Variants in MEI4 observed in about 807,000 individuals in gnomAD.
MEI4 encodes meiotic double-stranded break formation protein 4, also known as meiosis-specific protein MEI4.
In MEI4, 27 loss-of-function variants were observed where a neutral mutation model predicts 31.4. The ratio of observed to expected loss-of-function variants is 0.86; its 90% confidence interval spans 0.63 to 1.19. The LOEUF (loss-of-function observed/expected upper bound fraction) is 1.19. MEI4 is among the 50% of genes most tolerant of loss of function. The pLI is 0.00. For missense variants in MEI4, 329 were observed against 398.9 expected (o/e 0.82, Z 1.49); for synonymous variants, 122 against 145.4 (o/e 0.84, Z 1.16).
At chr6:77,711,022 C>T (rs926728294) in intron 2 of MEI4, among the ~76,000 whole-genome samples, 10 of 152,308 alleles carry the variant, frequency 6.6e-5, no homozygotes, top group Non-Finnish European at 1.2e-4. Flanking sequence ...TTTTCTACTT[C>T]TATGAGATCA....
intron 1 of MEI4, among the ~76,000 whole-genome samples, chr6:77,683,239 ATCT>A (rs373946343): frequency 3.0e-4 from 46 of 152,198 alleles, no homozygotes; most frequent in African/African-American, 1.1e-3. Flanking sequence ...ATTAGCTAAA[ATCT>A]TCTTTGTTTA....
intron 1 of MEI4, among the ~76,000 whole-genome samples, chr6:77,669,491 CT>C (rs775837481): frequency 1.3e-5 from 2 of 152,034 alleles, no homozygotes; most frequent in Non-Finnish European, 2.9e-5. Flanking sequence ...AAGAAGCTGA[CT>C]TTTTAAGGGT....
intron 3 of MEI4, among the ~76,000 whole-genome samples, chr6:77,795,750 TAA>T (rs1289714844): frequency 6.9e-6 from 1 of 143,994 alleles, no homozygotes; most frequent in Non-Finnish European, 1.5e-5. Flanking sequence ...CAATAATGAA[TAA>T]AGAGATTGCA....
chr6:77,704,143 A>ACT (rs544701372), intron 2 of MEI4, among the ~76,000 whole-genome samples: 36 of 151,878 alleles, frequency 2.4e-4, no homozygotes, highest in Non-Finnish European at 4.1e-4. Context: ...TTTTTCTGAG[A>ACT]CTCTTTTGAA....
intron 4 of MEI4, among the ~76,000 whole-genome samples, chr6:77,857,112 A>G (rs937716765): frequency 6.6e-6 from 1 of 151,836 alleles, no homozygotes; most frequent in African/African-American, 2.4e-5. Flanking sequence ...TTTTTTTTAG[A>G]GAGGGTTTAG....
intron 2 of MEI4, among the ~76,000 whole-genome samples, chr6:77,697,466 G>A (rs1432853502): frequency 2.6e-5 from 4 of 152,114 alleles, no homozygotes; most frequent in Admixed American, 6.5e-5. Context: ...GGTATGTTGT[G>A]TCTTTGTTCT....
At chr6:77,891,166 T>C (rs371115087) in intron 4 of MEI4, among the ~76,000 whole-genome samples, 1 of 152,208 alleles carries the variant, frequency 6.6e-6, no homozygotes, top group South Asian at 2.1e-4. Flanking sequence ...CTCCTTGTAT[T>C]TGGATGTCTG....
chr6:77,826,088 C>T (rs1378390159), intron 3 of MEI4, among the ~76,000 whole-genome samples: 1 of 152,158 alleles, frequency 6.6e-6, no homozygotes, highest in Admixed American at 6.5e-5. Flanking sequence ...TCAAACAACA[C>T]TCACTTCTGC....
At chr6:77,750,159 C>G (rs181662853) in intron 2 of MEI4, among the ~76,000 whole-genome samples, 54 of 152,212 alleles carry the variant, frequency 3.5e-4, no homozygotes, top group Non-Finnish European at 2.5e-4. Context: ...CCAGTCACTG[C>G]AAAAACATAC....
intron 2 of MEI4, among the ~76,000 whole-genome samples, chr6:77,697,317 T>C (rs1403923270): frequency 6.6e-6 from 1 of 152,168 alleles, no homozygotes; most frequent in Non-Finnish European, 1.5e-5. Flanking sequence ...AGCTTTTGAA[T>C]GTGTTTGCTC....
intron 4 of MEI4, among the ~76,000 whole-genome samples, chr6:77,841,257 C>G: frequency 7.2e-6 from 1 of 138,118 alleles, no homozygotes; most frequent in Admixed American, 7.6e-5. Flanking sequence ...TGTATAGCTT[C>G]TAATTGAAGT....
chr6:77,880,018 A>G (rs1428457361), intron 4 of MEI4, among the ~76,000 whole-genome samples: 1 of 152,214 alleles, frequency 6.6e-6, no homozygotes, highest in African/African-American at 2.4e-5. Flanking sequence ...AAAAACAGAA[A>G]AGTCACTGAG....
chr6:77,756,676 G>A (rs1425987888), intron 2 of MEI4, among the ~76,000 whole-genome samples: 7 of 123,556 alleles, frequency 5.7e-5, no homozygotes, highest in Non-Finnish European at 6.6e-5. Context: ...TCTCCCCCCC[G>A]CCGCCTTCTC....
At chr6:77,671,214 G>T (rs572677796) in intron 1 of MEI4, among the ~76,000 whole-genome samples, 1 of 151,936 alleles carries the variant, frequency 6.6e-6, no homozygotes, top group East Asian at 1.9e-4. Flanking sequence ...GCACTACTGT[G>T]CTCAGCTAAT....
At chr6:77,866,176 G>T (rs1333923236) in intron 4 of MEI4, among the ~76,000 whole-genome samples, 1 of 151,948 alleles carries the variant, frequency 6.6e-6, no homozygotes, top group African/African-American at 2.4e-5. Context: ...GCACAAGACA[G>T]GGATGCCCTC....
intron 1 of MEI4, among the ~76,000 whole-genome samples, chr6:77,653,630 A>G (rs1317725462): frequency 2.0e-5 from 3 of 152,216 alleles, no homozygotes; most frequent in Admixed American, 1.3e-4. Context: ...AAAATTTATC[A>G]GAGAAAAGGA....
chr6:77,831,145 GAA>G (rs1233742168), intron 4 of MEI4, among the ~76,000 whole-genome samples: 2 of 119,694 alleles, frequency 1.7e-5, no homozygotes. Flanking sequence ...GCAGGCATAT[GAA>G]AAAAAAAAAA....
intron 4 of MEI4, among the ~76,000 whole-genome samples, chr6:77,911,730 T>TA (rs1157118385): frequency 1.4e-5 from 2 of 147,608 alleles, no homozygotes; most frequent in African/African-American, 4.9e-5. Context: ...TATTTATATA[T>TA]ATAATATATA....
At position 77,927,030 on chromosome 6, in the gene MEI4, CTT is replaced by C. The variant is rs999570692; in HGVS notation, c.*3689_*3690del. 2 of 151,762 alleles carry C rather than the reference CTT, an allele frequency of 1.3e-5. No individual in the cohort carries two copies. The highest frequency in any genetic ancestry group is 1.3e-4 in the Admixed American group (2 of 15,174). The allele number at this position is 151,762 out of a possible 1,614,324, so 9.4% of individuals were successfully genotyped here. A position where few individuals can be genotyped will look rare whatever the true frequency, so the allele number is the denominator to read the frequency against. ...CAAACATAAAAAATAAACTCAGCCT[CTT>C]TTTTGTTTCTTAATATGAAAGTCCT... On this transcript the variant is annotated 3_prime_UTR_variant, in exon 5 of 5. Coordinates refer to ENST00000684080, the MANE Select transcript of MEI4 (RefSeq NM_001322247.2).
Sources: gnomAD v4.1 joint callset for allele counts (sites outside exome capture counted in the v4.1 genomes callset) on GRCh38, gnomAD v4.1.1 for gene constraint, MANE v1.5 for transcripts, NCBI Gene and HGNC (gene_info 2026-07-23, HGNC 2026-07-21) for gene names.